The following ARID1B variants were observed in gnomAD, a reference collection of about 807,000 sequenced individuals.
The protein encoded by ARID1B is AT-rich interactive domain-containing protein 1B.
A neutral mutation model predicts 212.3 loss-of-function variants in ARID1B; 30 were observed. The ratio of observed to expected loss-of-function variants is 0.14; its 90% CI spans 0.11 to 0.19. ARID1B has a LOEUF of 0.19. Ranked by LOEUF, ARID1B falls within the 10% of genes least tolerant of loss-of-function variation. The probability of loss-of-function intolerance (pLI) is 1.00; values close to 1 mark genes in which losing one functional copy is unlikely to be tolerated. For synonymous variants in ARID1B, 1,402 were observed against 1,301.7 expected (o/e 1.08, Z -1.66); for missense variants, 2,891 against 3,204.0 (o/e 0.90, Z 2.36).
chr6:156,995,862 G>A (rs527858567), intron 4 of ARID1B, among the ~76,000 whole-genome samples: 19 of 152,206 alleles, frequency 1.2e-4, no homozygotes, highest in Non-Finnish European at 2.2e-4. Flanking sequence ...GCTTAAATGC[G>A]TCTTATATAT....
chr6:157,202,669 T>C (rs112502715), intron 18 of ARID1B, among the ~76,000 whole-genome samples: 4 of 150,784 alleles, frequency 2.7e-5, no homozygotes, highest in Admixed American at 6.6e-5. Context: ...CACACACACA[T>C]ATTCCTTTAT....
At chr6:156,934,387 CACA>C (rs1264083999) in intron 3 of ARID1B, among the ~76,000 whole-genome samples, 5 of 152,116 alleles carry the variant, frequency 3.3e-5, no homozygotes, top group African/African-American at 1.2e-4. Flanking sequence ...ATTATTTCAG[CACA>C]ATGCTGAAAC....
chr6:156,801,671 TG>T (rs1780799911), intron 1 of ARID1B, among the ~76,000 whole-genome samples: 1 of 151,972 alleles, frequency 6.6e-6, no homozygotes, highest in Non-Finnish European at 1.5e-5. Flanking sequence ...AAGAGCAGGG[TG>T]GGGTCTGTGT....
At chr6:157,069,538 A>G (rs12214204) in intron 4 of ARID1B, among the ~76,000 whole-genome samples, 16,702 of 152,238 alleles carry the variant, frequency 0.11, 1,276 homozygotes, top group Non-Finnish European at 0.16. Context: ...TTCCTCACCA[A>G]TGTAAAGTGA....
intron 16 of ARID1B, 97 bp downstream of exon 16, chr6:157,196,412 C>G (rs1413133762): frequency 2.8e-6 from 4 of 1,412,360 alleles, no homozygotes; most frequent in Non-Finnish European, 2.9e-6. Flanking sequence ...CCACTGATGA[C>G]AATATACAGT....
chr6:156,868,864 A>G (rs1247830289), intron 2 of ARID1B, among the ~76,000 whole-genome samples: 1 of 152,240 alleles, frequency 6.6e-6, no homozygotes, highest in East Asian at 1.9e-4. Context: ...TCAATTTTTA[A>G]TAACACTTAA....
intron 4 of ARID1B, among the ~76,000 whole-genome samples, chr6:157,011,303 T>G (rs988885857): frequency 1.3e-5 from 2 of 152,262 alleles, no homozygotes; most frequent in African/African-American, 4.8e-5. Context: ...CTTCAAGCTC[T>G]AATTAATTGT....
intron 3 of ARID1B, among the ~76,000 whole-genome samples, chr6:156,903,789 C>G (rs2128215260): frequency 6.6e-6 from 1 of 152,166 alleles, no homozygotes; most frequent in South Asian, 2.1e-4. Flanking sequence ...TCATAACGAC[C>G]AGAACATTTC....
chr6:157,164,959 A>G (rs1455414632), intron 8 of ARID1B, among the ~76,000 whole-genome samples: 1 of 152,200 alleles, frequency 6.6e-6, no homozygotes, highest in African/African-American at 2.4e-5. Context: ...CTCTTCAGTG[A>G]TTGTCTGCTA....
intron 9 of ARID1B, 80 bp downstream of exon 9, chr6:157,167,265 A>G (rs2128291833): frequency 6.7e-7 from 1 of 1,495,892 alleles, no homozygotes; most frequent in African/African-American, 1.4e-5. Context: ...AATCTGCCTA[A>G]ACGGCCCGAG....
rs1220737878 is a variant in ARID1B at position 157,039,391 on chromosome 6, C to T, written c.2248-45271C>T. Reference sequence around the variant, plus strand: ...CAGGCCGGACTGCGGACTGCAGTGGCGCAATCTCGGCTCACTGCAAGCTCC... The same window carrying T: ...CAGGCCGGACTGCGGACTGCAGTGGTGCAATCTCGGCTCACTGCAAGCTCC... On this transcript the variant is annotated intron_variant, in intron 4 of 19. Coordinates refer to ENST00000636930, the MANE Select transcript of ARID1B (RefSeq NM_001374828.1). Among the ~76,000 whole-genome samples, 13 of 134,278 alleles carry T rather than the reference C, an allele frequency of 9.7e-5. No individual in the cohort carries two copies. In the East Asian group the frequency reaches 1.3e-3, roughly 14 times the overall value. The allele number at this position is 134,278 out of a possible 152,430, so 88.1% of individuals were successfully genotyped here.
Position 157,189,688 on chromosome 6 carries a change from C to T in ARID1B, c.3966C>T (p.Gly1322=), listed in dbSNP as rs949449420. 1.9e-6 allele frequency: 3 copies of T among 1,613,982 alleles called. No individual in the cohort carries two copies. Among genetic ancestry groups the T allele is most frequent in the Non-Finnish European group, 2.5e-6 (3 of 1,180,014 alleles). Residue 1322 remains glycine (G), a synonymous_variant, in exon 14 of 20, where the codon GGC becomes GGT. Coordinates refer to ENST00000636930, the MANE Select transcript of ARID1B (RefSeq NM_001374828.1). ...LQGPQTPQST[G]SNSMAEVPGD... is the part of the protein sequence containing the mutation. ...GCCCACAGACCCCCCAGTCAACTGG[C>T]AGCAATTCCATGGCAGAGGTTCCAG...
intron 3 of ARID1B, among the ~76,000 whole-genome samples, chr6:156,910,439 T>C (rs1490799249): frequency 6.6e-6 from 1 of 152,216 alleles, no homozygotes; most frequent in Non-Finnish European, 1.5e-5. Context: ...GGTGTTGTCT[T>C]GTATTTTACT....
In ARID1B at chr6:156,778,808, C is replaced by T. The variant is rs2114986498; in HGVS notation, c.1128C>T (p.Ser376=). 4 of 1,487,226 alleles carry T rather than the reference C, an allele frequency of 2.7e-6. No homozygotes were observed. Among genetic ancestry groups the T allele is most frequent in the Non-Finnish European group, 3.6e-6 (4 of 1,115,140 alleles). 92.1% of individuals were successfully genotyped at this position (1,487,226 alleles called of 1,614,324 possible). ...ACTCCCACGAAGGGTACCCCAACAG[C>T]CAGTGCAACCATTATCCGGGCTACA... ...LQNSHEGYPN[S]QCNHYPGYSR... Residue 376 remains serine, a synonymous_variant, in exon 1 of 20, where the codon AGC becomes AGT. Coordinates refer to ENST00000636930, the MANE Select transcript of ARID1B (RefSeq NM_001374828.1).
chr6:157,102,004 A>G (rs561493135), intron 5 of ARID1B, among the ~76,000 whole-genome samples: 3 of 152,350 alleles, frequency 2.0e-5, no homozygotes, highest in Non-Finnish European at 4.4e-5. Context: ...GAATTTCTGA[A>G]TATTTCTATA....
At chr6:157,157,564 A>G (rs915245447) in intron 8 of ARID1B, among the ~76,000 whole-genome samples, 10 of 152,170 alleles carry the variant, frequency 6.6e-5, no homozygotes, top group East Asian at 1.9e-4. Flanking sequence ...GGCTATGACT[A>G]TGTCTTAGTA....
Position 156,881,740 on chromosome 6 carries a change from G to A in ARID1B, c.1987-19636G>A, listed in dbSNP as rs75802022. On this transcript the variant is annotated intron_variant, in intron 2 of 19. Coordinates refer to ENST00000636930, the MANE Select transcript of ARID1B (RefSeq NM_001374828.1). ...AGATATTCCTTAAAAATTGCCTCACGGTTTGGGGCTACAGTATTCGATTTG... is the reference window on the plus strand; with the variant it reads ...AGATATTCCTTAAAAATTGCCTCACAGTTTGGGGCTACAGTATTCGATTTG... Among the ~76,000 whole-genome samples the A allele has an allele frequency of 3.2e-3, 494 of 152,270 alleles. 3 individuals carry two copies. The highest frequency in any genetic ancestry group is 0.011 in the African/African-American group (445 of 41,544).
At chr6:157,187,640 T>C (rs1793062771) in intron 13 of ARID1B, among the ~76,000 whole-genome samples, 1 of 152,196 alleles carries the variant, frequency 6.6e-6, no homozygotes. Context: ...CATTGTTTAC[T>C]TTAGAGTATA....
In ARID1B at chr6:156,786,192, A is replaced by G. The variant is rs961503963; in HGVS notation, c.1791+6721A>G. 3.3e-5 allele frequency among the ~76,000 whole-genome samples: 5 copies of G among 151,956 alleles called. No individual in the cohort carries two copies. In the East Asian group the frequency reaches 9.7e-4, roughly 29 times the overall value. On this transcript the variant is annotated intron_variant, in intron 1 of 19. Coordinates refer to ENST00000636930, the MANE Select transcript of ARID1B (RefSeq NM_001374828.1). ...CTATTAGTGAAAATCATTTATAGTG[A>G]TATTTTTTTCTATTCTTTCTGTGTT...
Sources: allele counts gnomAD v4.1 joint callset (sites outside exome capture counted in the v4.1 genomes callset), GRCh38; gene constraint gnomAD v4.1.1; transcripts MANE v1.5; gene names NCBI Gene and HGNC (gene_info 2026-07-23, HGNC 2026-07-21).